Variants in SDSL observed in about 807,000 individuals in gnomAD.
SDSL encodes serine dehydratase-like.
SDSL carries 26 observed loss-of-function variants against 27.6 expected under a neutral mutation model. The observed-to-expected ratio is 0.94, with a 90% CI of 0.69 to 1.31. The LOEUF (loss-of-function observed/expected upper bound fraction) is 1.31, where lower values mean the gene tolerates loss of function less well. Among genes scored for constraint, SDSL ranks in the 50% most tolerant of loss-of-function variants. SDSL has a pLI of 0.00. For synonymous variants in SDSL, 196 were observed against 180.6 expected (o/e 1.09, Z -0.69); for missense variants, 431 against 423.5 (o/e 1.02, Z -0.16).
chr12:113,435,644 G>A lies in SDSL; in HGVS notation c.671+88G>A, dbSNP rs893349108. 17 of 1,146,638 alleles carry A rather than the reference G, an allele frequency of 1.5e-5. No individual in the cohort carries two copies. In the East Asian group the frequency reaches 3.5e-4, roughly 24 times the overall value. 71.0% of individuals were successfully genotyped at this position (1,146,638 alleles called of 1,614,324 possible). A position where few individuals can be genotyped will look rare whatever the true frequency, so the allele number is the denominator to read the frequency against. On this transcript the variant is annotated intron_variant, in intron 6 of 7. Coordinates refer to ENST00000403593, the MANE Select transcript of SDSL (RefSeq NM_001304993.2). ...TTCCAGTCCCAGCCGGTGGAGACGGGGGCACCCAAAAGGCTGTCCTTGGTC... is the reference window on the plus strand; with the variant it reads ...TTCCAGTCCCAGCCGGTGGAGACGGAGGCACCCAAAAGGCTGTCCTTGGTC...
intron 2 of SDSL, 41 bp from the exon 3 acceptor site, chr12:113,428,379 C>T: frequency 6.3e-7 from 1 of 1,594,508 alleles, no homozygotes; most frequent in Non-Finnish European, 8.5e-7. Context: ...TTCATGACAC[C>T]TGCTTGGGTT....
rs549020911 is a variant in SDSL at position 113,435,262 on chromosome 12, A to G, written c.444-67A>G. ...GAACCCACCCCTGGTAAATTCCCCC[A>G]CCACAGGAGCCATCTGGGCTGGGGT... is the stretch of plus-strand genomic sequence containing the variant. On this transcript the variant is annotated intron_variant, in intron 5 of 7. Coordinates refer to ENST00000403593, the MANE Select transcript of SDSL (RefSeq NM_001304993.2). The G allele has an allele frequency of 4.5e-4, 514 of 1,145,292 alleles. 1 individual carries two copies. The highest frequency in any genetic ancestry group is 2.3e-4 in the Non-Finnish European group (194 of 833,388). 70.9% of individuals were successfully genotyped at this position (1,145,292 alleles called of 1,614,324 possible). A position where few individuals can be genotyped will look rare whatever the true frequency, so the allele number is the denominator to read the frequency against.
chr12:113,437,784 G>A, intron 7 of SDSL, 102 bp from the exon 8 acceptor site: 1 of 1,054,716 alleles, frequency 9.5e-7, no homozygotes. Flanking sequence ...TGGCTGACTG[G>A]CTGGAGAGAT....
chr12:113,432,860 G>C (rs1957951380), intron 4 of SDSL, among the ~76,000 whole-genome samples: 3 of 152,130 alleles, frequency 2.0e-5, no homozygotes, highest in Admixed American at 1.3e-4. Flanking sequence ...ATCTTTTTTT[G>C]TGGCTGCGTA....
At chr12:113,437,797 C>A in intron 7 of SDSL, 89 bp from the exon 8 acceptor site, 1 of 1,173,420 alleles carries the variant, frequency 8.5e-7, no homozygotes, top group Non-Finnish European at 1.2e-6. Flanking sequence ...GGAGAGATGG[C>A]TGCAAGGATC....
intron 6 of SDSL, among the ~76,000 whole-genome samples, chr12:113,436,325 GT>G (rs1957992612): frequency 6.7e-6 from 1 of 149,894 alleles, no homozygotes; most frequent in African/African-American, 2.5e-5. Flanking sequence ...ATCTCACTCT[GT>G]TTCCCAGGCT....
In SDSL at chr12:113,435,576, A is replaced by C. The variant is rs1310162428; in HGVS notation, c.671+20A>C. 1 of 1,596,870 alleles carries C rather than the reference A, an allele frequency of 6.3e-7. No individual in the cohort carries two copies. Among genetic ancestry groups the C allele is most frequent in the East Asian group, 2.2e-5 (1 of 44,724 alleles). On this transcript the variant is annotated intron_variant, in intron 6 of 7. Coordinates refer to ENST00000403593, the MANE Select transcript of SDSL (RefSeq NM_001304993.2). ...CACCAGGTGGGTAAGGGCTGGGGAC[A>C]TTTGTAGGGGCTGGAGGGTGGGTGT...
At chr12:113,428,902 C>G (rs940141336) in intron 3 of SDSL, among the ~76,000 whole-genome samples, 1 of 151,822 alleles carries the variant, frequency 6.6e-6, no homozygotes, top group South Asian at 2.1e-4. Context: ...CTCGATGCCT[C>G]GCCTCAATCC....
intron 1 of SDSL, among the ~76,000 whole-genome samples, chr12:113,423,330 C>T (rs1193829705): frequency 6.6e-6 from 1 of 152,190 alleles, no homozygotes; most frequent in Non-Finnish European, 1.5e-5. Context: ...ATGCCAAAGA[C>T]ACTGCCTGGT....
Position 113,436,788 on chromosome 12 carries a change from C to A in SDSL, c.709C>A (p.Arg237=), listed in dbSNP as rs758497819. 6.2e-7 allele frequency: 1 copy of A among 1,610,956 alleles called. No individual in the cohort carries two copies. The highest frequency in any genetic ancestry group is 2.2e-5 in the East Asian group (1 of 44,786). ...CCTGGGTGCCAAGACGGTGGCCGCT[C>A]GGGCCCTGGAGTGCATGCAGGTGTG... ...KSLGAKTVAA[R]ALECMQVCKI... Residue 237 remains arginine, a synonymous_variant, in exon 7 of 8, where the codon CGG becomes AGG. Coordinates refer to ENST00000403593, the MANE Select transcript of SDSL (RefSeq NM_001304993.2).
At chr12:113,429,584 C>A (rs1004093282) in intron 4 of SDSL, among the ~76,000 whole-genome samples, 3 of 152,136 alleles carry the variant, frequency 2.0e-5, no homozygotes, top group African/African-American at 7.2e-5. Context: ...ATATCCTCAC[C>A]AGCACCTGGT....
intron 5 of SDSL, 34 bp from the exon 6 acceptor site, chr12:113,435,295 C>T: frequency 2.1e-6 from 3 of 1,430,970 alleles, no homozygotes; most frequent in South Asian, 1.4e-5. Flanking sequence ...GGTCCTCCCT[C>T]ACTCTGCTTC....
intron 3 of SDSL, 40 bp from the exon 4 acceptor site, chr12:113,429,120 A>C: frequency 6.3e-7 from 1 of 1,586,554 alleles, no homozygotes; most frequent in Admixed American, 1.7e-5. Context: ...TCAAAGGCCA[A>C]TCAGCTCTGC....
intron 1 of SDSL, chr12:113,426,344 C>T (rs1018319004): frequency 6.9e-6 from 3 of 433,964 alleles, no homozygotes; most frequent in African/African-American, 2.0e-5. Context: ...TCAAAATGCA[C>T]GGATCTGATT....
chr12:113,432,252 CTTT>C (rs1957935356), intron 4 of SDSL, among the ~76,000 whole-genome samples: 1 of 140,576 alleles, frequency 7.1e-6, no homozygotes, highest in African/African-American at 2.8e-5. Context: ...TTCTTTCTTT[CTTT>C]CTTTCTTTCT....
At chr12:113,436,188 G>A (rs565148959) in intron 6 of SDSL, among the ~76,000 whole-genome samples, 1 of 151,838 alleles carries the variant, frequency 6.6e-6, no homozygotes, top group East Asian at 1.9e-4. Context: ...ACTGAATTTA[G>A]GACCCACCCT....
chr12:113,431,977 G>C (rs1365880940), intron 4 of SDSL, among the ~76,000 whole-genome samples: 1 of 148,268 alleles, frequency 6.7e-6, no homozygotes, highest in African/African-American at 2.5e-5. Context: ...GGATGGTCTC[G>C]AACTCCTGAC....
At chr12:113,425,570 C>T (rs1957836985) in intron 1 of SDSL, 1 of 434,332 alleles carries the variant, frequency 2.3e-6, no homozygotes, top group South Asian at 1.7e-5. Context: ...GCTTTTCTGC[C>T]TGGGACAAGA....
At position 113,434,240 on chromosome 12, in the gene SDSL, C is replaced by A; in HGVS notation, c.443+18C>A. 6.3e-7 allele frequency: 1 copy of A among 1,578,940 alleles called. No homozygotes were observed. Among genetic ancestry groups the A allele is most frequent in the Non-Finnish European group, 8.7e-7 (1 of 1,155,798 alleles). The stretch of plus-strand genomic sequence containing the variant: ...CTAATATGGTAAGGCTGACGCCCCT[C>A]TCCCCAGGAGTCCAGAGCTGGGAGA... On this transcript the variant is annotated intron_variant, in intron 5 of 7. Coordinates refer to ENST00000403593, the MANE Select transcript of SDSL (RefSeq NM_001304993.2).
Sources: allele counts gnomAD v4.1 joint callset (sites outside exome capture counted in the v4.1 genomes callset), GRCh38; gene constraint gnomAD v4.1.1; transcripts MANE v1.5; gene names NCBI Gene and HGNC (gene_info 2026-07-23, HGNC 2026-07-21).